The following ACAP2 variants were observed in gnomAD, a reference collection of about 807,000 sequenced individuals.
The protein encoded by ACAP2 is ArfGAP with coiled-coil, ankyrin repeat and PH domains 2, also known as arf-GAP with coiled-coil, ANK repeat and PH domain-containing protein 2.
In ACAP2, 39 loss-of-function variants were observed where a neutral mutation model predicts 115.8. That is an observed-to-expected ratio of 0.34 (90% CI 0.26 to 0.44). The LOEUF is 0.44. Among genes scored for constraint, ACAP2 ranks in the 20% least tolerant of loss-of-function variants. The pLI is 1.00. For missense variants in ACAP2, 662 were observed against 927.6 expected, an observed-to-expected ratio of 0.71 and a Z score of 3.72; for synonymous variants, 289 against 315.8, an observed-to-expected ratio of 0.92 and a Z score of 0.90.
At chr3:195,394,510 C>T (rs1711577418) in intron 1 of ACAP2, among the ~76,000 whole-genome samples, 1 of 152,116 alleles carries the variant, frequency 6.6e-6, no homozygotes, top group African/African-American at 2.4e-5. Context: ...TTTTGTAAAA[C>T]AACATGTTTA....
intron 6 of ACAP2, 108 bp from the exon 7 acceptor site, chr3:195,337,084 A>T: frequency 1.0e-6 from 1 of 977,378 alleles, no homozygotes; most frequent in Non-Finnish European, 1.5e-6. Flanking sequence ...CGAAAAAGCA[A>T]ATAAAAACAA....
At chr3:195,422,332 AAC>A (rs141446576) in intron 1 of ACAP2, among the ~76,000 whole-genome samples, 3,871 of 152,236 alleles carry the variant, frequency 0.025, 138 homozygotes, top group African/African-American at 0.084. Context: ...ACATAATAAT[AAC>A]AAAAAATCCT....
chr3:195,329,268 A>G (rs181343979), intron 8 of ACAP2, among the ~76,000 whole-genome samples: 103 of 152,294 alleles, frequency 6.8e-4, no homozygotes, highest in African/African-American at 2.4e-3. Flanking sequence ...TCTTCTAGAC[A>G]TGGGGAAATG....
At chr3:195,417,986 T>A (rs1713881123) in intron 1 of ACAP2, among the ~76,000 whole-genome samples, 1 of 152,010 alleles carries the variant, frequency 6.6e-6, no homozygotes. Flanking sequence ...TATTTTTCTA[T>A]GGCACTCCAC....
In ACAP2 at chr3:195,301,498, C is replaced by T. The variant is rs947249921; in HGVS notation, c.1395+77G>A. The stretch of plus-strand genomic sequence containing the variant: ...ACATTGGTAGCATGAAGAACTCACA[C>T]ATTTGTAAACCAAGATTCTAAAATC... On this transcript the variant is annotated intron_variant, in intron 15 of 22. Transcript: ENST00000326793. 13 of 1,141,018 alleles carry T rather than the reference C, an allele frequency of 1.1e-5. No homozygotes were observed. In the South Asian group the frequency reaches 1.6e-4, roughly 14 times the overall value. The allele number at this position is 1,141,018 out of a possible 1,614,324, so 70.7% of individuals were successfully genotyped here. A position where few individuals can be genotyped will look rare whatever the true frequency, so the allele number is the denominator to read the frequency against.
At chr3:195,381,621 G>C (rs1032596152) in intron 3 of ACAP2, among the ~76,000 whole-genome samples, 1 of 152,058 alleles carries the variant, frequency 6.6e-6, no homozygotes, top group East Asian at 1.9e-4. Flanking sequence ...CAGGCCCTCT[G>C]ACAGGTGCTT....
At chr3:195,306,085 G>A (rs1728401572) in intron 13 of ACAP2, among the ~76,000 whole-genome samples, 1 of 152,096 alleles carries the variant, frequency 6.6e-6, no homozygotes, top group Non-Finnish European at 1.5e-5. Flanking sequence ...ACTGAGGCCA[G>A]ACTATGACCT....
chr3:195,303,766 C>A (rs952292297), intron 13 of ACAP2, among the ~76,000 whole-genome samples: 2 of 152,180 alleles, frequency 1.3e-5, no homozygotes, highest in African/African-American at 2.4e-5. Context: ...AAGACTCTGT[C>A]TCCCCGCCAT....
chr3:195,295,973 C>T (rs1727633902), intron 16 of ACAP2, 81 bp from the exon 17 acceptor site: 3 of 1,121,964 alleles, frequency 2.7e-6, no homozygotes, highest in Non-Finnish European at 3.8e-6. Context: ...ATATACTGAA[C>T]ATATTCAAAC....
chr3:195,279,114 G>A lies in ACAP2; in HGVS notation c.*214C>T. ...GTCTACAGAAATAGCCCTTTAAATA[G>A]GCTTTTTTAATAAAAGAGGTCCTAA... On this transcript the variant is annotated 3_prime_UTR_variant, in exon 23 of 23. Transcript: ENST00000326793. 1 of 394,118 alleles carries A rather than the reference G, an allele frequency of 2.5e-6. No individual in the cohort carries two copies. The highest frequency in any genetic ancestry group is 5.0e-5 in the South Asian group (1 of 20,092). The allele number at this position is 394,118 out of a possible 1,614,324, so 24.4% of individuals were successfully genotyped here.
chr3:195,392,487 T>C (rs1038436186), intron 1 of ACAP2, among the ~76,000 whole-genome samples: 2 of 152,232 alleles, frequency 1.3e-5, no homozygotes, highest in African/African-American at 2.4e-5. Flanking sequence ...TTGGATTTCT[T>C]GATAACAAAA....
At chr3:195,330,115 T>A (rs1378613389) in intron 8 of ACAP2, among the ~76,000 whole-genome samples, 1 of 152,156 alleles carries the variant, frequency 6.6e-6, no homozygotes, top group Non-Finnish European at 1.5e-5. Flanking sequence ...TTAGTCTATC[T>A]CCCTCTTGAG....
intron 1 of ACAP2, among the ~76,000 whole-genome samples, chr3:195,435,270 G>A (rs1033131794): frequency 1.8e-4 from 28 of 151,810 alleles, no homozygotes; most frequent in African/African-American, 5.8e-4. Flanking sequence ...TGCCCCCCGG[G>A]TTCAAGTGAT....
At chr3:195,431,362 A>G (rs1403163725) in intron 1 of ACAP2, among the ~76,000 whole-genome samples, 1 of 152,070 alleles carries the variant, frequency 6.6e-6, no homozygotes, top group African/African-American at 2.4e-5. Context: ...TTGTGGGTAT[A>G]TATCTTCATT....
chr3:195,345,285 C>T lies in ACAP2; in HGVS notation c.318G>A (p.Lys106=), dbSNP rs1005168857. The part of the protein sequence containing the change: ...ILFDQTQRSI[K]AQLQNFVKED... Reference sequence around the variant, plus strand: ...CTTTAACAAAGTTCTGAAGCTGTGCCTTAATTGATCTCTGAGTTTGGTCAA... The same window carrying T: ...CTTTAACAAAGTTCTGAAGCTGTGCTTTAATTGATCTCTGAGTTTGGTCAA... The change falls in exon 5 of 23, where the codon AAG becomes AAA. Residue 106 remains lysine (K), a synonymous_variant. Coordinates refer to ENST00000326793, the MANE Select transcript of ACAP2 (RefSeq NM_012287.6). 2 of 1,611,688 alleles carry T rather than the reference C, an allele frequency of 1.2e-6. No homozygotes were observed. Among genetic ancestry groups the T allele is most frequent in the Non-Finnish European group, 1.7e-6 (2 of 1,178,274 alleles).
At chr3:195,284,087 A>G (rs1052706981) in intron 22 of ACAP2, among the ~76,000 whole-genome samples, 4 of 152,232 alleles carry the variant, frequency 2.6e-5, no homozygotes, top group Admixed American at 6.5e-5. Flanking sequence ...TCCCAACTCC[A>G]GAGAAGAGTC....
intron 1 of ACAP2, among the ~76,000 whole-genome samples, chr3:195,405,685 C>CA (rs879358608): frequency 2.2e-3 from 265 of 122,068 alleles, no homozygotes; most frequent in Middle Eastern, 4.3e-3. Flanking sequence ...GACTCCATCT[C>CA]AAAAAAAAAA....
At chr3:195,418,560 T>A (rs910747779) in intron 1 of ACAP2, among the ~76,000 whole-genome samples, 1 of 152,134 alleles carries the variant, frequency 6.6e-6, no homozygotes, top group Admixed American at 6.6e-5. Flanking sequence ...GCCTCTCAGG[T>A]AGCTGGGACT....
At chr3:195,354,206 T>C (rs996754436) in intron 4 of ACAP2, among the ~76,000 whole-genome samples, 4 of 152,242 alleles carry the variant, frequency 2.6e-5, no homozygotes, top group African/African-American at 7.2e-5. Context: ...TATTCCATAG[T>C]GTATATGTAC....
Sources: allele counts gnomAD v4.1 joint callset (sites outside exome capture counted in the v4.1 genomes callset), GRCh38; gene constraint gnomAD v4.1.1; transcripts MANE v1.5; gene names NCBI Gene and HGNC (gene_info 2026-07-23, HGNC 2026-07-21).